ATP8B3: variants seen among roughly 807,000 people sequenced by gnomAD.
ATP8B3 encodes the protein ATPase phospholipid transporting 8B3.
ATP8B3 carries 141 observed loss-of-function variants against 140.9 expected under a neutral mutation model. The observed-to-expected ratio is 1.00, with a 90% confidence interval of 0.87 to 1.15. The LOEUF (loss-of-function observed/expected upper bound fraction) is 1.15. Among genes scored for constraint, ATP8B3 ranks in the 50% most tolerant of loss-of-function variants. The pLI is 0.00. For synonymous variants in ATP8B3, 765 were observed against 714.6 expected, an observed-to-expected ratio of 1.07 and a Z score of -1.13; for missense variants, 1,874 against 1,740.6, an observed-to-expected ratio of 1.08 and a Z score of -1.36.
chr19:1,783,681 A>T (rs1424227735), intron 28 of ATP8B3, among the ~76,000 whole-genome samples: 1 of 152,162 alleles, frequency 6.6e-6, no homozygotes, highest in African/African-American at 2.4e-5. Context: ...TGAGCCTGGG[A>T]CAGCCAGGTG....
intron 14 of ATP8B3, among the ~76,000 whole-genome samples, chr19:1,798,296 C>A (rs1368255063): frequency 6.6e-6 from 1 of 151,892 alleles, no homozygotes; most frequent in Non-Finnish European, 1.5e-5. Flanking sequence ...AAATTATGAC[C>A]CAGTCCAAAC....
Position 1,807,396 on chromosome 19 carries a change from G to T in ATP8B3, c.517-130C>A. On this transcript the variant is annotated intron_variant, in intron 5 of 28. Coordinates refer to ENST00000310127, the MANE Select transcript of ATP8B3 (RefSeq NM_138813.4). The surrounding 1 kb of genome is among the most constrained non-coding windows in gnomAD (Gnocchi z 5.9). Reference sequence around the variant, plus strand: ...TGCTGGCCACCTTGACCGGGGTCCAGCCATCTCCTGCAACCCCCAGCCCTC... The same window carrying T: ...TGCTGGCCACCTTGACCGGGGTCCATCCATCTCCTGCAACCCCCAGCCCTC... 1 of 694,722 alleles carries T rather than the reference G, an allele frequency of 1.4e-6. No individual in the cohort carries two copies. The highest frequency in any genetic ancestry group is 2.5e-6 in the Non-Finnish European group (1 of 404,430). The allele number at this position is 694,722 out of a possible 1,614,324, so 43.0% of individuals were successfully genotyped here. A position where few individuals can be genotyped will look rare whatever the true frequency, so the allele number is the denominator to read the frequency against.
Position 1,789,469 on chromosome 19 carries a change from G to T in ATP8B3, c.2737C>A (p.Arg913Ser). The T allele has an allele frequency of 6.3e-7, 1 of 1,597,798 alleles. No homozygotes were observed. Among genetic ancestry groups the T allele is most frequent in the East Asian group, 2.2e-5 (1 of 44,732 alleles). ...AGGGCCTTCTGCTTGGGCGTCACGCGGCAGCAGATGACCGCCTGGCACTTG... is the reference window on the plus strand; with the variant it reads ...AGGGCCTTCTGCTTGGGCGTCACGCTGCAGCAGATGACCGCCTGGCACTTG... ...ASKCQAVICC[R>S]VTPKQKALIV... The change falls in exon 23 of 29, where the codon CGC becomes AGC. Residue 913 changes from arginine to serine, a missense_variant. Arg to Ser is a moderately radical substitution (Grantham distance 110). Around this residue, in one of 3 missense-constraint regions of ATP8B3, gnomAD observed 840 missense variants for 760.9 expected, o/e 1.10. Transcript: ENST00000310127.
chr19:1,796,661 G>T, intron 16 of ATP8B3, 50 bp downstream of exon 16: 1 of 1,576,912 alleles, frequency 6.3e-7, no homozygotes, highest in East Asian at 2.2e-5. Context: ...GGACACTGCC[G>T]TGCCCCGGGG....
At chr19:1,804,480 C>T (rs548163725) in intron 10 of ATP8B3, among the ~76,000 whole-genome samples, 7 of 152,252 alleles carry the variant, frequency 4.6e-5, no homozygotes, top group South Asian at 2.1e-4. Flanking sequence ...TGGTGGCGGG[C>T]GCCTGTAGTC....
chr19:1,790,020 G>A, intron 21 of ATP8B3, 31 bp from the exon 22 acceptor site: 1 of 1,527,070 alleles, frequency 6.5e-7, no homozygotes, highest in Non-Finnish European at 9.0e-7. Flanking sequence ...CGGGGCAGGG[G>A]AGGGGGCGGG....
chr19:1,784,854 C>G lies in ATP8B3; in HGVS notation c.3625G>C (p.Val1209Leu). ...INTFPVLALR[V>L]IFPALKELRA... ...AGCTCCTTGAGGGCTGGGAAGATGA[C>G]TCGGAGGGCCAGGACAGGGAAGGTG... The change falls in exon 28 of 29, where the codon GTC becomes CTC. Residue 1209 changes from valine (V) to leucine (L), a missense_variant. Coordinates refer to ENST00000310127, the MANE Select transcript of ATP8B3 (RefSeq NM_138813.4). 1 of 1,610,794 alleles carries G rather than the reference C, an allele frequency of 6.2e-7. No homozygotes were observed. The highest frequency in any genetic ancestry group is 8.5e-7 in the Non-Finnish European group (1 of 1,178,592).
chr19:1,785,095 A>C, intron 27 of ATP8B3, 64 bp downstream of exon 27: 1 of 1,488,442 alleles, frequency 6.7e-7, no homozygotes, highest in Non-Finnish European at 8.9e-7. Flanking sequence ...AGCAACCTGC[A>C]ACCTCTTCCA....
chr19:1,810,080 G>T (rs1285547736), intron 3 of ATP8B3, among the ~76,000 whole-genome samples: 1 of 152,234 alleles, frequency 6.6e-6, no homozygotes, highest in Non-Finnish European at 1.5e-5. Context: ...GGGTGTCCAA[G>T]GCCATACATC....
At position 1,807,147 on chromosome 19, in the gene ATP8B3, G is replaced by A. The variant is rs757530363; in HGVS notation, c.615+21C>T. ...CCGGCCCCGCTCCCTCCCCCAGGCAGCTGCATCCAACAGCACTCACCATGT... is the reference window on the plus strand; with the variant it reads ...CCGGCCCCGCTCCCTCCCCCAGGCAACTGCATCCAACAGCACTCACCATGT... On this transcript the variant is annotated intron_variant, in intron 6 of 28. Coordinates refer to ENST00000310127, the MANE Select transcript of ATP8B3 (RefSeq NM_138813.4). This position sits in a 1 kb window ranked among gnomAD's most constrained non-coding sequence, Gnocchi z 5.9. 8.7e-6 allele frequency: 14 copies of A among 1,601,852 alleles called. No individual in the cohort carries two copies. In the East Asian group the frequency reaches 3.1e-4, roughly 36 times the overall value.
chr19:1,800,199 G>T lies in ATP8B3; in HGVS notation c.1344-44C>A. 1 of 1,589,676 alleles carries T rather than the reference G, an allele frequency of 6.3e-7. No individual in the cohort carries two copies. On this transcript the variant is annotated intron_variant, in intron 13 of 28. Transcript: ENST00000310127. This position sits in a 1 kb window ranked among gnomAD's most constrained non-coding sequence, Gnocchi z 4.4. The stretch of plus-strand genomic sequence containing the variant: ...TCACGGTCAGCCCCGCCTGCTGTGT[G>T]CCATCCCCATGCCTCCCCGTTCCGC...
intron 10 of ATP8B3, among the ~76,000 whole-genome samples, chr19:1,803,765 G>A (rs1600465966): frequency 6.6e-6 from 1 of 151,950 alleles, no homozygotes; most frequent in South Asian, 2.1e-4. Flanking sequence ...GCGTGGTGGC[G>A]GGCGCCTGGG....
chr19:1,798,665 G>A (rs911996327), intron 14 of ATP8B3: 2 of 151,952 alleles, frequency 1.3e-5, no homozygotes, highest in South Asian at 4.1e-4. Context: ...GTGAACCCGG[G>A]AAGTGGAGCT....
rs530525816 is a variant in ATP8B3 at position 1,783,237 on chromosome 19, TCTC to T, written c.3691_3693del (p.Glu1231del). ...TGAGGCAAGGGCTCCATGGTGAAAATCTCCTCGCTGGGGCCCTCCTCCACCTTC... is the reference window on the plus strand; with the variant it reads ...TGAGGCAAGGGCTCCATGGTGAAAATCTCGCTGGGGCCCTCCTCCACCTTC... On this transcript the variant is annotated inframe_deletion, in exon 29 of 29. Transcript: ENST00000310127. 5,713 of 1,610,048 alleles carry T rather than the reference TCTC, an allele frequency of 3.5e-3. 21 individuals are homozygous for T. Among genetic ancestry groups the T allele is most frequent in the Non-Finnish European group, 4.2e-3 (4,986 of 1,178,426 alleles).
Position 1,800,829 on chromosome 19 carries a change from TA to T in ATP8B3, c.1153-381del, listed in dbSNP as rs1252795412. On this transcript the variant is annotated intron_variant, in intron 12 of 28. Transcript: ENST00000310127. The surrounding 1 kb of genome is among the most constrained non-coding windows in gnomAD (Gnocchi z 4.4). ...TGAGATAGAAAAACTTTTTTTTTTT[TA>T]ATTTTTTTTTTTTTTTGAGACAGAG... is the stretch of plus-strand genomic sequence containing the variant. Among the ~76,000 whole-genome samples, 1 of 141,420 alleles carries T rather than the reference TA, an allele frequency of 7.1e-6. No homozygotes were observed. The highest frequency in any genetic ancestry group is 7.2e-5 in the Admixed American group (1 of 13,870). The allele number at this position is 141,420 out of a possible 152,430, so 92.8% of individuals were successfully genotyped here.
chr19:1,804,431 A>T (rs921750625), intron 10 of ATP8B3, among the ~76,000 whole-genome samples: 6 of 152,182 alleles, frequency 3.9e-5, no homozygotes, highest in Non-Finnish European at 7.4e-5. Flanking sequence ...AACACGGTGA[A>T]ACCCTGTATC....
chr19:1,789,346 G>C lies in ATP8B3; in HGVS notation c.2845+15C>G. On this transcript the variant is annotated intron_variant, in intron 23 of 28. Transcript: ENST00000310127. ...ACTCGTCCCAGGCACCCCCAGCCCC[G>C]CCGCCGCCACCCACTCTTGATCATG... The C allele has an allele frequency of 8.2e-7, 1 of 1,220,434 alleles. No individual in the cohort carries two copies. Among genetic ancestry groups the C allele is most frequent in the African/African-American group, 1.9e-5 (1 of 53,986 alleles). 75.6% of individuals were successfully genotyped at this position (1,220,434 alleles called of 1,614,324 possible).
intron 2 of ATP8B3, 127 bp from the exon 3 acceptor site, chr19:1,810,810 G>T: frequency 1.3e-6 from 1 of 799,556 alleles, no homozygotes; most frequent in Non-Finnish European, 1.9e-6. Flanking sequence ...CTCATCTGCA[G>T]CCTCCCCGCC....
intron 24 of ATP8B3, among the ~76,000 whole-genome samples, chr19:1,787,609 A>C (rs1050918695): frequency 6.6e-6 from 1 of 151,930 alleles, no homozygotes; most frequent in African/African-American, 2.4e-5. Flanking sequence ...GGCGCCTGTA[A>C]TCCCAGCTAC....
Sources: allele counts gnomAD v4.1 joint callset (sites outside exome capture counted in the v4.1 genomes callset), GRCh38; gene constraint gnomAD v4.1.1; regional missense constraint gnomAD v4.1.1; non-coding constraint Gnocchi (gnomAD v3.1); transcripts MANE v1.5; gene names NCBI Gene and HGNC (gene_info 2026-07-23, HGNC 2026-07-21).